Variants in DIPK1A observed in about 807,000 individuals in gnomAD.
DIPK1A encodes divergent protein kinase domain 1A.
A neutral mutation model predicts 40.8 loss-of-function variants in DIPK1A; 27 were observed. The observed-to-expected ratio is 0.66, with a 90% CI of 0.49 to 0.91. The LOEUF is 0.91. Among genes scored for constraint, DIPK1A ranks in the 40% least tolerant of loss-of-function variants. DIPK1A has a pLI of 0.00. For missense variants in DIPK1A, 412 were observed against 505.7 expected (o/e 0.81, Z 1.78); for synonymous variants, 166 against 171.3 (o/e 0.97, Z 0.24).
chr1:92,919,369 C>T (rs2100850722), intron 1 of DIPK1A, among the ~76,000 whole-genome samples: 1 of 152,334 alleles, frequency 6.6e-6, no homozygotes, highest in South Asian at 2.1e-4. Context: ...TTCTACTGAA[C>T]TTAATGCTGC....
chr1:92,845,506 TAGAAA>T, intron 4 of DIPK1A: 1 of 183,912 alleles, frequency 5.4e-6, no homozygotes, highest in Admixed American at 9.4e-5. Flanking sequence ...GTGTCTATGC[TAGAAA>T]AAAAAAAAAA....
At chr1:92,857,471 G>T (rs911413996) in intron 2 of DIPK1A, among the ~76,000 whole-genome samples, 2 of 151,906 alleles carry the variant, frequency 1.3e-5, no homozygotes, top group Non-Finnish European at 2.9e-5. Context: ...ATAGGAACCT[G>T]CCATCACGCC....
At chr1:92,926,038 T>C (rs1409375049) in intron 1 of DIPK1A, among the ~76,000 whole-genome samples, 2 of 152,164 alleles carry the variant, frequency 1.3e-5, no homozygotes, top group African/African-American at 4.8e-5. Flanking sequence ...TTTGGTTTTG[T>C]TTATTGTCTC....
intron 2 of DIPK1A, among the ~76,000 whole-genome samples, chr1:92,870,567 TC>T (rs1372199709): frequency 6.6e-6 from 1 of 152,200 alleles, no homozygotes; most frequent in Non-Finnish European, 1.5e-5. Context: ...TCTTTGTCTT[TC>T]AACTAAATCA....
At chr1:92,900,324 CT>C (rs1407006473) in intron 1 of DIPK1A, among the ~76,000 whole-genome samples, 2 of 151,896 alleles carry the variant, frequency 1.3e-5, no homozygotes, top group African/African-American at 2.4e-5. Context: ...TTTTTTCCCC[CT>C]GACTGGGTAA....
intron 2 of DIPK1A, among the ~76,000 whole-genome samples, chr1:92,874,271 G>T (rs1409611454): frequency 6.6e-6 from 1 of 152,180 alleles, no homozygotes; most frequent in Non-Finnish European, 1.5e-5. Flanking sequence ...ATACTGTAAT[G>T]ATACAAGATA....
intron 1 of DIPK1A, among the ~76,000 whole-genome samples, chr1:92,898,186 G>A (rs994476356): frequency 6.6e-6 from 1 of 151,622 alleles, no homozygotes; most frequent in African/African-American, 2.4e-5. Context: ...AAGAAGCATG[G>A]TGCCAACATC....
At chr1:92,902,259 T>C (rs1649448778) in intron 1 of DIPK1A, among the ~76,000 whole-genome samples, 1 of 152,208 alleles carries the variant, frequency 6.6e-6, no homozygotes, top group Non-Finnish European at 1.5e-5. Context: ...ACTTCAGCTC[T>C]GGCCCAAAGG....
chr1:92,957,977 G>A (rs1001590355), intron 1 of DIPK1A, among the ~76,000 whole-genome samples: 7 of 152,064 alleles, frequency 4.6e-5, no homozygotes, highest in African/African-American at 1.2e-4. Flanking sequence ...GAAATAATAC[G>A]TGATCTTTTG....
intron 4 of DIPK1A, chr1:92,834,934 A>G (rs1687058823): frequency 6.3e-7 from 1 of 1,599,912 alleles, no homozygotes; most frequent in African/African-American, 1.3e-5. Flanking sequence ...GATGATTTTA[A>G]TTGATGTAGT....
At chr1:92,841,634 T>C, downstream of DIPK1A, 1 of 542,820 alleles carries the variant, frequency 1.8e-6, no homozygotes, top group Non-Finnish European at 3.0e-6. Flanking sequence ...TATTTGAACT[T>C]GGATTATTTA....
intron 4 of DIPK1A, among the ~76,000 whole-genome samples, chr1:92,845,708 T>C (rs1178615671): frequency 6.6e-5 from 10 of 151,216 alleles, no homozygotes; most frequent in Non-Finnish European, 1.3e-4. Context: ...TGGTGGCGGG[T>C]GCCTGTAATC....
intron 1 of DIPK1A, among the ~76,000 whole-genome samples, chr1:92,913,361 T>C (rs1385659226): frequency 6.8e-6 from 1 of 148,124 alleles, no homozygotes; most frequent in Non-Finnish European, 1.5e-5. Context: ...TATCATTCTT[T>C]TATACCATGA....
intron 1 of DIPK1A, among the ~76,000 whole-genome samples, chr1:92,892,350 T>A (rs1167238665): frequency 6.6e-6 from 1 of 152,062 alleles, no homozygotes; most frequent in Non-Finnish European, 1.5e-5. Flanking sequence ...TTGCTGTTCA[T>A]CAATATCCGC....
chr1:92,858,740 G>C (rs1403027982), intron 2 of DIPK1A, among the ~76,000 whole-genome samples: 1 of 152,154 alleles, frequency 6.6e-6, no homozygotes, highest in Non-Finnish European at 1.5e-5. Context: ...TCTTCCACTT[G>C]TGGCTTACAT....
intron 4 of DIPK1A, chr1:92,833,059 G>A (rs775694391): frequency 2.7e-6 from 2 of 729,980 alleles, no homozygotes; most frequent in Admixed American, 1.9e-5. Context: ...TATGGAAATT[G>A]AAAGCGTTTA....
At chr1:92,835,660 C>CAA (rs11417383) in intron 4 of DIPK1A, among the ~76,000 whole-genome samples, 4,124 of 123,034 alleles carry the variant, frequency 0.034, 127 homozygotes, top group East Asian at 0.043. Flanking sequence ...AACTGTGTCT[C>CAA]AAAAAAAAAA....
rs1686992138 is a variant in DIPK1A, at chr1:92,833,436, A to G, written c.475-402T>C. 6.2e-7 allele frequency: 1 copy of G among 1,614,100 alleles called. No individual in the cohort carries two copies. Among genetic ancestry groups the G allele is most frequent in the East Asian group, 2.2e-5 (1 of 44,866 alleles). On this transcript the variant is annotated intron_variant, in intron 4 of 4. Coordinates refer to the DIPK1A transcript ENST00000615519. Reference sequence around the variant, plus strand: ...ATAAGGCCTACTTTAAGAGATACCAAGTGAAATTTAGAAGACGACGAGGTA... The same window carrying G: ...ATAAGGCCTACTTTAAGAGATACCAGGTGAAATTTAGAAGACGACGAGGTA...
rs114837522 is a variant in DIPK1A, at chr1:92,867,400, C to G, written c.189+8896G>C. On this transcript the variant is annotated intron_variant, in intron 2 of 4. Transcript: ENST00000370310. ...TCTTAACTACTGCAATGGATGGGACCCTTCACACACAAATGGAGAGAGAGA... is the reference window on the plus strand; with the variant it reads ...TCTTAACTACTGCAATGGATGGGACGCTTCACACACAAATGGAGAGAGAGA... 2.3e-3 allele frequency among the ~76,000 whole-genome samples: 357 copies of G among 151,978 alleles called. 3 individuals are homozygous for G. Among genetic ancestry groups the G allele is most frequent in the African/African-American group, 8.3e-3 (344 of 41,466 alleles).
Sources: allele counts gnomAD v4.1 joint callset (sites outside exome capture counted in the v4.1 genomes callset), GRCh38; gene constraint gnomAD v4.1.1; transcripts MANE v1.5; gene names NCBI Gene and HGNC (gene_info 2026-07-23, HGNC 2026-07-21).